The following SLC67A1 variants were observed in gnomAD, a reference collection of about 807,000 sequenced individuals.
SLC67A1 encodes the protein solute carrier family 67 member A1.
At chr11:2,924,927 TG>T in the SLC67A1 span, 1 of 1,320,300 alleles carries the variant, frequency 7.6e-7, no homozygotes, top group Non-Finnish European at 1.0e-6. The surrounding 1 kb of genome is among the most constrained non-coding windows in gnomAD (Gnocchi z 8.6). Flanking sequence ...TCAGGAGAGA[TG>T]GGAGGCCATG....
the SLC67A1 span, chr11:2,902,721 A>G: frequency 1.0e-6 from 1 of 985,604 alleles, no homozygotes; most frequent in South Asian, 4.7e-5. Context: ...TGTGGGAGGT[A>G]AGGCAGAGCT....
At chr11:2,922,083 C>T in the SLC67A1 span, 34 of 1,595,650 alleles carry the variant, frequency 2.1e-5, no homozygotes, top group Non-Finnish European at 2.8e-5. Flanking sequence ...CCACTTCTAC[C>T]CTCTCTGTCT....
At chr11:2,916,954 C>G in the SLC67A1 span, 1 of 526,496 alleles carries the variant, frequency 1.9e-6, no homozygotes. Flanking sequence ...CTCCGGCAGG[C>G]AGGGAGGCCC....
the SLC67A1 span, among the ~76,000 whole-genome samples, chr11:2,905,723 T>A: frequency 6.6e-6 from 1 of 152,156 alleles, no homozygotes; most frequent in Non-Finnish European, 1.5e-5. Context: ...GAGAGGAGGC[T>A]GCAAGGTGAG....
chr11:2,909,229 C>A, the SLC67A1 span: 1 of 1,539,838 alleles, frequency 6.5e-7, no homozygotes, highest in East Asian at 2.4e-5. Flanking sequence ...GGGCGGCGCT[C>A]ACGCTCTCCT....
chr11:2,914,902 C>T, the SLC67A1 span: 7 of 985,450 alleles, frequency 7.1e-6, no homozygotes, highest in Non-Finnish European at 8.4e-6. Flanking sequence ...ACATCTGTGC[C>T]TGCTGGCTGG....
chr11:2,908,510 G>A, the SLC67A1 span, among the ~76,000 whole-genome samples: 1 of 152,218 alleles, frequency 6.6e-6, no homozygotes, highest in Non-Finnish European at 1.5e-5. Context: ...AGGCTCCCGG[G>A]TGTCCCACCC....
At chr11:2,905,491 A>T in the SLC67A1 span, among the ~76,000 whole-genome samples, 1 of 152,246 alleles carries the variant, frequency 6.6e-6, no homozygotes, top group African/African-American at 2.4e-5. Context: ...TCATCCATGT[A>T]CAAAGCACAT....
chr11:2,907,932 G>T, the SLC67A1 span, among the ~76,000 whole-genome samples: 1 of 152,172 alleles, frequency 6.6e-6, no homozygotes, highest in East Asian at 1.9e-4. The surrounding 1 kb of genome is among the most constrained non-coding windows in gnomAD (Gnocchi z 6.7). Context: ...AATGAATGAA[G>T]ACAAAATGGT....
chr11:2,923,891 G>A, the SLC67A1 span, among the ~76,000 whole-genome samples: 1 of 152,228 alleles, frequency 6.6e-6, no homozygotes, highest in Non-Finnish European at 1.5e-5. This position sits in a 1 kb window ranked among gnomAD's most constrained non-coding sequence, Gnocchi z 6.5. Flanking sequence ...TGCACCCTGA[G>A]TCTGCAGAAG....
chr11:2,921,863 C>T, the SLC67A1 span: 1 of 547,436 alleles, frequency 1.8e-6, no homozygotes, highest in East Asian at 2.9e-5. Context: ...CCTTTCCTTC[C>T]TCCCTTGTGG....
chr11:2,910,407 T>C, the SLC67A1 span, among the ~76,000 whole-genome samples: 2 of 152,082 alleles, frequency 1.3e-5, no homozygotes, highest in Non-Finnish European at 2.9e-5. Flanking sequence ...AACTGGGGGC[T>C]CGATGGATGG....
At chr11:2,905,626 G>T in the SLC67A1 span, among the ~76,000 whole-genome samples, 1 of 152,214 alleles carries the variant, frequency 6.6e-6, no homozygotes, top group South Asian at 2.1e-4. Flanking sequence ...AAACAGTGCC[G>T]CGATAAAAAT....
the SLC67A1 span, chr11:2,916,704 A>G: frequency 6.2e-7 from 1 of 1,613,150 alleles, no homozygotes; most frequent in East Asian, 2.2e-5. Flanking sequence ...CGCCAGCACC[A>G]AAGGGGCCAA....
chr11:2,910,388 A>G, the SLC67A1 span, among the ~76,000 whole-genome samples: 3 of 152,212 alleles, frequency 2.0e-5, no homozygotes, highest in African/African-American at 2.4e-5. Flanking sequence ...GCAAAAAGTC[A>G]CAAAGTAGAA....
chr11:2,912,450 C>G, the SLC67A1 span, among the ~76,000 whole-genome samples: 2 of 152,376 alleles, frequency 1.3e-5, no homozygotes, highest in South Asian at 4.1e-4. Context: ...CTGTGAACAT[C>G]CCCCGCCTTG....
chr11:2,909,478 T>TG, the SLC67A1 span: 1 of 724,214 alleles, frequency 1.4e-6, no homozygotes, highest in East Asian at 1.5e-4. Flanking sequence ...TGGACGGGGG[T>TG]GGGGGGCGAC....
the SLC67A1 span, among the ~76,000 whole-genome samples, chr11:2,913,912 C>T: frequency 6.6e-6 from 1 of 152,232 alleles, no homozygotes; most frequent in Non-Finnish European, 1.5e-5. Flanking sequence ...TGAAAGCCAA[C>T]TCCACGCCCT....
the SLC67A1 span, chr11:2,899,778 G>A: frequency 2.1e-6 from 3 of 1,406,616 alleles, no homozygotes; most frequent in Non-Finnish European, 2.8e-6. Context: ...GGCTACCTGA[G>A]GCCCTGCTTC....
Sources: allele counts gnomAD v4.1 joint callset (sites outside exome capture counted in the v4.1 genomes callset), GRCh38; gene constraint gnomAD v4.1.1; non-coding constraint Gnocchi (gnomAD v3.1); transcripts MANE v1.5; gene names NCBI Gene and HGNC (gene_info 2026-07-23, HGNC 2026-07-21).